HECW2: variants seen among roughly 807,000 people sequenced by gnomAD.
HECW2 encodes HECT, C2 and WW domain containing E3 ubiquitin protein ligase 2, also known as E3 ubiquitin-protein ligase HECW2.
In HECW2, 61 loss-of-function variants were observed where a neutral mutation model predicts 175.2. That is an observed-to-expected ratio of 0.35 (90% CI 0.28 to 0.43). HECW2 has a LOEUF of 0.43. Ranked by LOEUF, HECW2 falls within the 20% of genes least tolerant of loss-of-function variation. HECW2 has a pLI of 1.00. For synonymous variants in HECW2, 671 were observed against 731.0 expected, an observed-to-expected ratio of 0.92 and a Z score of 1.32; for missense variants, 1,524 against 2,000.5, an observed-to-expected ratio of 0.76 and a Z score of 4.54.
rs534064267 is a variant in HECW2, at chr2:196,201,060, G to A, written c.*217C>T. 52 of 490,046 alleles carry A rather than the reference G, an allele frequency of 1.1e-4. No homozygotes were observed. The highest frequency in any genetic ancestry group is 7.2e-4 in the African/African-American group (37 of 51,716). 30.4% of individuals were successfully genotyped at this position (490,046 alleles called of 1,614,324 possible). A position where few individuals can be genotyped will look rare whatever the true frequency, so the allele number is the denominator to read the frequency against. ...AGTCAAGAACTGTTGATTGAAAGAC[G>A]GTTGGGTTGTTCCCTGGGCATCAAG... On this transcript the variant is annotated 3_prime_UTR_variant, in exon 29 of 29. Transcript: ENST00000644978.
chr2:196,582,249 C>T lies in HECW2; in HGVS notation c.-36+11259G>A, dbSNP rs1270435569. On this transcript the variant is annotated intron_variant, in intron 1 of 28. Transcript: ENST00000644978. ...TTGAAAATCCAGCAAAATTCAATTT[C>T]GGTAGCCACCAAATTCAATAACCAG... Among the ~76,000 whole-genome samples the T allele has an allele frequency of 3.3e-5, 5 of 152,120 alleles. No homozygotes were observed. In the South Asian group the frequency reaches 6.2e-4, roughly 19 times the overall value.
At chr2:196,559,679 T>C (rs1477433801) in intron 1 of HECW2, among the ~76,000 whole-genome samples, 1 of 152,178 alleles carries the variant, frequency 6.6e-6, no homozygotes, top group Non-Finnish European at 1.5e-5. Context: ...TTCGACAATT[T>C]AGCCACCTTT....
chr2:196,541,227 C>A (rs1470402354), intron 1 of HECW2, among the ~76,000 whole-genome samples: 2 of 151,990 alleles, frequency 1.3e-5, no homozygotes, highest in Admixed American at 6.6e-5. Context: ...TAACAAACCT[C>A]TTTATGCCAG....
At chr2:196,556,521 A>T (rs1416649973) in intron 1 of HECW2, among the ~76,000 whole-genome samples, 3 of 152,076 alleles carry the variant, frequency 2.0e-5, no homozygotes, top group Non-Finnish European at 4.4e-5. Context: ...TATAAGTGAG[A>T]TTATGCAGTA....
rs539375075 is a variant in HECW2 at position 196,201,693 on chromosome 2, C to A, written c.4608-305G>T. 2.0e-5 allele frequency among the ~76,000 whole-genome samples: 3 copies of A among 152,132 alleles called. No homozygotes were observed. The East Asian group carries it at 5.8e-4, about 29-fold the overall frequency. ...TTGAGTGGTCTAAGGATTACAAAGA[C>A]AAGTTTGGTTTTTGTTTCTCTTTTG... On this transcript the variant is annotated intron_variant, in intron 28 of 28. Coordinates refer to ENST00000644978, the MANE Select transcript of HECW2 (RefSeq NM_001348768.2).
chr2:196,319,755 C>A lies in HECW2; in HGVS notation c.1135G>T (p.Asp379Tyr), dbSNP rs996863763. 6.2e-7 allele frequency: 1 copy of A among 1,614,020 alleles called. No individual in the cohort carries two copies. The highest frequency in any genetic ancestry group is 1.3e-5 in the African/African-American group (1 of 74,912). ...NGPVSEDSAA[D>Y]GTPKHSFRTS... is the part of the protein sequence containing the mutation. ...CTGAATGAATGCTTGGGGGTTCCAT[C>A]GGCAGCACTGTCCTCAGAAACTGGC... The change falls in exon 9 of 29, where the codon GAT (aspartate) becomes TAT (tyrosine). Residue 379 changes from aspartate to tyrosine, a missense_variant. Physicochemically the swap from Asp to Tyr is radical, Grantham distance 160 (BLOSUM62 -3). Transcript: ENST00000644978.
chr2:196,443,796 G>A (rs879929751), intron 1 of HECW2, among the ~76,000 whole-genome samples: 8 of 152,202 alleles, frequency 5.3e-5, no homozygotes, highest in Non-Finnish European at 8.8e-5. Context: ...TTGGGAGGCC[G>A]AGGTGGGCAG....
At chr2:196,315,051 C>G (rs1029977730) in intron 10 of HECW2, among the ~76,000 whole-genome samples, 1 of 152,020 alleles carries the variant, frequency 6.6e-6, no homozygotes, top group African/African-American at 2.4e-5. Flanking sequence ...CAGAGCTGAA[C>G]AGCAATCAGG....
intron 2 of HECW2, among the ~76,000 whole-genome samples, chr2:196,419,138 G>A (rs1411722074): frequency 6.6e-6 from 1 of 152,192 alleles, no homozygotes; most frequent in Non-Finnish European, 1.5e-5. Flanking sequence ...ATGGAAGGAA[G>A]AAGCATGGAG....
At chr2:196,225,680 A>C in intron 23 of HECW2, 92 bp downstream of exon 23, 2 of 767,282 alleles carry the variant, frequency 2.6e-6, no homozygotes, top group Non-Finnish European at 4.6e-6. Flanking sequence ...GATTGTGAAC[A>C]GATAAACAAT....
At chr2:196,500,224 T>A (rs937737057) in intron 1 of HECW2, among the ~76,000 whole-genome samples, 2 of 152,214 alleles carry the variant, frequency 1.3e-5, no homozygotes, top group African/African-American at 2.4e-5. Flanking sequence ...AACTTCAAGT[T>A]TTTTTAGTAG....
intron 15 of HECW2, among the ~76,000 whole-genome samples, chr2:196,276,028 C>A (rs1388791828): frequency 6.6e-6 from 1 of 152,180 alleles, no homozygotes; most frequent in East Asian, 1.9e-4. Flanking sequence ...TCACTAAGTA[C>A]AGATTGTTAG....
intron 2 of HECW2, among the ~76,000 whole-genome samples, chr2:196,381,675 A>G (rs1694210797): frequency 6.6e-6 from 1 of 152,178 alleles, no homozygotes; most frequent in Admixed American, 6.5e-5. Flanking sequence ...TATAAGGGTC[A>G]TTAGTAAGGC....
chr2:196,293,206 T>C (rs1239832283), intron 13 of HECW2, among the ~76,000 whole-genome samples: 1 of 152,196 alleles, frequency 6.6e-6, no homozygotes. Context: ...TCTGTGTCCA[T>C]GTGTTGTCAT....
chr2:196,417,794 G>T (rs1313345712), intron 2 of HECW2, among the ~76,000 whole-genome samples: 1 of 152,168 alleles, frequency 6.6e-6, no homozygotes, highest in Non-Finnish European at 1.5e-5. Context: ...AGAAAAAGTG[G>T]CTGTCATGGA....
chr2:196,532,701 A>G (rs1333506606), intron 1 of HECW2, among the ~76,000 whole-genome samples: 1 of 152,206 alleles, frequency 6.6e-6, no homozygotes, highest in Admixed American at 6.5e-5. Flanking sequence ...TCCAGGGCAC[A>G]TTCCTCCACA....
At chr2:196,238,670 C>A (rs1000689633) in intron 21 of HECW2, 4 of 152,166 alleles carry the variant, frequency 2.6e-5, no homozygotes, top group African/African-American at 9.7e-5. Context: ...GCTAACTGAG[C>A]TCACAGCTTA....
intron 1 of HECW2, among the ~76,000 whole-genome samples, chr2:196,538,447 C>G (rs1453600902): frequency 1.3e-5 from 2 of 152,144 alleles, no homozygotes; most frequent in African/African-American, 4.8e-5. Context: ...ATTCTGGCAG[C>G]GTAAAAGGTA....
At chr2:196,427,827 A>G (rs747347104) in intron 2 of HECW2, among the ~76,000 whole-genome samples, 5 of 152,194 alleles carry the variant, frequency 3.3e-5, no homozygotes, top group Non-Finnish European at 7.4e-5. Context: ...AAATATAATT[A>G]GCATATGTTT....
Sources: gnomAD v4.1 joint callset for allele counts (sites outside exome capture counted in the v4.1 genomes callset) on GRCh38, gnomAD v4.1.1 for gene constraint, MANE v1.5 for transcripts, NCBI Gene and HGNC (gene_info 2026-07-23, HGNC 2026-07-21) for gene names.